GALNT18: variants seen among roughly 807,000 people sequenced by gnomAD.
The protein encoded by GALNT18 is GalNAc-transferase 18.
In GALNT18, 44 loss-of-function variants were observed where a neutral mutation model predicts 69.5. The ratio of observed to expected loss-of-function variants is 0.63; its 90% CI spans 0.50 to 0.81. GALNT18 has a LOEUF of 0.81. Among genes scored for constraint, GALNT18 ranks in the 40% least tolerant of loss-of-function variants. The pLI is 0.00. For synonymous variants in GALNT18, 364 were observed against 318.2 expected (o/e 1.14, Z -1.53); for missense variants, 715 against 810.0 (o/e 0.88, Z 1.42).
In GALNT18 at chr11:11,314,168, A is replaced by G. The variant is rs116488111; in HGVS notation, c.1512+12918T>C. 0.021 allele frequency among the ~76,000 whole-genome samples: 3,179 copies of G among 152,218 alleles called. 102 individuals carry two copies. The highest frequency in any genetic ancestry group is 0.072 in the African/African-American group (3,008 of 41,532). ...AGAGGCCTGGGAAGCAAGACTGTCC[A>G]AAGAACGGTGGGTGGAGGGCAAGAG... On this transcript the variant is annotated intron_variant, in intron 9 of 10. Coordinates refer to ENST00000227756, the MANE Select transcript of GALNT18 (RefSeq NM_198516.3). The surrounding 1 kb of genome is among the most constrained non-coding windows in gnomAD (Gnocchi z 5.2).
At chr11:11,530,182 G>A (rs1241122467) in intron 1 of GALNT18, among the ~76,000 whole-genome samples, 1 of 151,162 alleles carries the variant, frequency 6.6e-6, no homozygotes, top group Non-Finnish European at 1.5e-5. Flanking sequence ...AGGCTGGAGC[G>A]AGCAAATTCC....
Position 11,480,512 on chromosome 11 carries a change from C to T in GALNT18, c.236-31576G>A, listed in dbSNP as rs59917357. ...CTGAGCTGCAGTGGTCCATGAAGCA[C>T]GTTGTGAACGTATCAGACACTCTGC... On this transcript the variant is annotated intron_variant, in intron 1 of 10. Coordinates refer to ENST00000227756, the MANE Select transcript of GALNT18 (RefSeq NM_198516.3). This position sits in a 1 kb window ranked among gnomAD's most constrained non-coding sequence, Gnocchi z 4.6. Among the ~76,000 whole-genome samples the T allele has an allele frequency of 0.011, 1,663 of 150,748 alleles. 30 individuals are homozygous for T. Among genetic ancestry groups the T allele is most frequent in the African/African-American group, 0.039 (1,586 of 41,010 alleles).
chr11:11,327,864 C>T (rs770067693), intron 8 of GALNT18, among the ~76,000 whole-genome samples: 8 of 152,174 alleles, frequency 5.3e-5, no homozygotes, highest in Non-Finnish European at 8.8e-5. Flanking sequence ...GAAGGGCAGC[C>T]CATAGACCTC....
At chr11:11,393,437 T>C (rs560616784) in intron 3 of GALNT18, among the ~76,000 whole-genome samples, 7 of 152,364 alleles carry the variant, frequency 4.6e-5, no homozygotes, top group East Asian at 1.9e-4. Context: ...TGTTTGTTTG[T>C]TTGCTTTTAA....
At chr11:11,420,681 C>G (rs528386772) in intron 3 of GALNT18, among the ~76,000 whole-genome samples, 1 of 152,336 alleles carries the variant, frequency 6.6e-6, no homozygotes, top group South Asian at 2.1e-4. Context: ...TTTCAAGCTG[C>G]TGAGAAAGAT....
intron 9 of GALNT18, among the ~76,000 whole-genome samples, chr11:11,307,970 G>A (rs747121547): frequency 1.3e-5 from 2 of 152,216 alleles, no homozygotes; most frequent in African/African-American, 2.4e-5. Context: ...TGGGGGCCAG[G>A]GGTGACCGCA....
At chr11:11,515,666 T>A (rs1051240624) in intron 1 of GALNT18, among the ~76,000 whole-genome samples, 1 of 152,232 alleles carries the variant, frequency 6.6e-6, no homozygotes, top group Admixed American at 6.5e-5. Flanking sequence ...GGCTCTCTGA[T>A]GGCGGTGGCC....
intron 1 of GALNT18, among the ~76,000 whole-genome samples, chr11:11,464,693 A>G (rs1329347145): frequency 6.6e-6 from 1 of 152,234 alleles, no homozygotes; most frequent in African/African-American, 2.4e-5. Context: ...CAGTGCAGAG[A>G]GCAGCATAGC....
chr11:11,370,481 A>T (rs1237170657), intron 6 of GALNT18, among the ~76,000 whole-genome samples: 1 of 152,118 alleles, frequency 6.6e-6, no homozygotes, highest in Non-Finnish European at 1.5e-5. Flanking sequence ...TCCCATTTGT[A>T]CTTAGTTTTG....
chr11:11,428,504 C>A (rs1855187632), intron 3 of GALNT18, among the ~76,000 whole-genome samples: 1 of 152,238 alleles, frequency 6.6e-6, no homozygotes. Flanking sequence ...TCACCACAGC[C>A]ACATTGCCTC....
intron 9 of GALNT18, among the ~76,000 whole-genome samples, chr11:11,296,544 C>G (rs1432796347): frequency 6.6e-6 from 1 of 151,514 alleles, no homozygotes. Context: ...CCATGTTTTT[C>G]TTCTTCTGTC....
chr11:11,398,863 T>A (rs1854393724), intron 3 of GALNT18, among the ~76,000 whole-genome samples: 1 of 152,138 alleles, frequency 6.6e-6, no homozygotes, highest in South Asian at 2.1e-4. Context: ...AAACAGCATG[T>A]ACAAGTATCC....
intron 1 of GALNT18, among the ~76,000 whole-genome samples, chr11:11,529,095 CA>C (rs1457285309): frequency 6.6e-6 from 1 of 152,188 alleles, no homozygotes; most frequent in African/African-American, 2.4e-5. Context: ...CCAAAAGTTC[CA>C]GGAGGTACTA....
chr11:11,426,407 T>A (rs1320835680), intron 3 of GALNT18, among the ~76,000 whole-genome samples: 1 of 152,082 alleles, frequency 6.6e-6, no homozygotes, highest in African/African-American at 2.4e-5. Context: ...AGGACAACAA[T>A]TAGAACAGTG....
chr11:11,473,687 A>T (rs2133857497), intron 1 of GALNT18, among the ~76,000 whole-genome samples: 1 of 152,320 alleles, frequency 6.6e-6, no homozygotes, highest in Admixed American at 6.5e-5. Flanking sequence ...GAGAGAAGCA[A>T]GTTCACTTCT....
intron 6 of GALNT18, among the ~76,000 whole-genome samples, chr11:11,371,062 C>T (rs1850891798): frequency 6.6e-6 from 1 of 152,190 alleles, no homozygotes; most frequent in Non-Finnish European, 1.5e-5. Flanking sequence ...TAAGCCCACG[C>T]ATTTTGACTG....
At position 11,604,940 on chromosome 11, in the gene GALNT18, T is replaced by A. The variant is rs1859712953; in HGVS notation, c.235+16419A>T. On this transcript the variant is annotated intron_variant, in intron 1 of 10. Transcript: ENST00000227756. The surrounding 1 kb of genome is among the most constrained non-coding windows in gnomAD (Gnocchi z 5.6). ...TGGCTATTGCTCCTGGCCGTGAGTC[T>A]GCGGAGGTAAAAAAAAAGAATGGAA... 6.6e-6 allele frequency among the ~76,000 whole-genome samples: 1 copy of A among 152,140 alleles called. No homozygotes were observed. Among genetic ancestry groups the A allele is most frequent in the African/African-American group, 2.4e-5 (1 of 41,428 alleles).
Position 11,415,137 on chromosome 11 carries a change from C to T in GALNT18, c.595+17484G>A, listed in dbSNP as rs1466576290. On this transcript the variant is annotated intron_variant, in intron 3 of 10. Transcript: ENST00000227756. This position sits in a 1 kb window ranked among gnomAD's most constrained non-coding sequence, Gnocchi z 4.1. ...GGTCTCTTCTCAGGCCACCAGAGTA[C>T]ATCTCTGTGACTTCCCCTTCTGCCA... 6.6e-6 allele frequency among the ~76,000 whole-genome samples: 1 copy of T among 152,208 alleles called. No individual in the cohort carries two copies. Among genetic ancestry groups the T allele is most frequent in the African/African-American group, 2.4e-5 (1 of 41,448 alleles).
At chr11:11,375,615 G>GT (rs1273404937) in intron 5 of GALNT18, among the ~76,000 whole-genome samples, 1 of 152,150 alleles carries the variant, frequency 6.6e-6, no homozygotes, top group African/African-American at 2.4e-5. Flanking sequence ...TGGCTCTACC[G>GT]CCCAGAGCCT....
Sources: allele counts gnomAD v4.1 joint callset (sites outside exome capture counted in the v4.1 genomes callset), GRCh38; gene constraint gnomAD v4.1.1; non-coding constraint Gnocchi (gnomAD v3.1); transcripts MANE v1.5; gene names NCBI Gene and HGNC (gene_info 2026-07-23, HGNC 2026-07-21).